The following ATL1 variants were observed in gnomAD, a reference collection of about 807,000 sequenced individuals.
The protein encoded by ATL1 is atlastin GTPase 1.
Under a neutral mutation model 75.5 loss-of-function variants are expected in ATL1, and 31 were observed. The observed-to-expected ratio is 0.41, with a 90% confidence interval of 0.31 to 0.55. ATL1 has a LOEUF of 0.55. Ranked by LOEUF, ATL1 falls within the 20% of genes least tolerant of loss-of-function variation. The probability of loss-of-function intolerance (pLI) is 0.27; values close to 1 mark genes in which losing one functional copy is unlikely to be tolerated. For missense variants in ATL1, 405 were observed against 662.6 expected (o/e 0.61, Z 4.27); for synonymous variants, 226 against 233.3 (o/e 0.97, Z 0.28).
At chr14:50,537,164 G>A (rs1451730349) in intron 1 of ATL1, among the ~76,000 whole-genome samples, 1 of 152,204 alleles carries the variant, frequency 6.6e-6, no homozygotes, top group Non-Finnish European at 1.5e-5. Context: ...GAGACTTGGT[G>A]CCCTGCTTTC....
At chr14:50,590,581 G>A (rs2039146671) in intron 2 of ATL1, among the ~76,000 whole-genome samples, 1 of 152,026 alleles carries the variant, frequency 6.6e-6, no homozygotes, top group East Asian at 1.9e-4. Flanking sequence ...CTGACCAATG[G>A]TTAGTTATTT....
chr14:50,584,527 C>A (rs952037813), intron 1 of ATL1, among the ~76,000 whole-genome samples: 4 of 151,940 alleles, frequency 2.6e-5, no homozygotes, highest in African/African-American at 7.3e-5. Flanking sequence ...CATGGTGAAA[C>A]CTTGTCTCTA....
chr14:50,560,025 A>G, upstream of ATL1: 1 of 580,120 alleles, frequency 1.7e-6, no homozygotes, highest in South Asian at 2.0e-5. Flanking sequence ...GGACTGAGGT[A>G]GGGAGGGTGT....
At chr14:50,577,050 T>C (rs924103131) in intron 1 of ATL1, among the ~76,000 whole-genome samples, 1 of 152,124 alleles carries the variant, frequency 6.6e-6, no homozygotes, top group Non-Finnish European at 1.5e-5. Flanking sequence ...AAACTTCTGT[T>C]ATAAGTTTTT....
In ATL1 at chr14:50,632,600, A is replaced by G. The variant is rs974896776; in HGVS notation, c.*261A>G. ...GTTATAAAGTATTTGTCTATTTATG[A>G]TAACAGTACACGTGTTCTGCTTGAA... is the stretch of plus-strand genomic sequence containing the variant. On this transcript the variant is annotated 3_prime_UTR_variant, in exon 14 of 14. Transcript: ENST00000358385. 5 of 353,748 alleles carry G rather than the reference A, an allele frequency of 1.4e-5. No individual in the cohort carries two copies. The highest frequency in any genetic ancestry group is 1.3e-4 in the East Asian group (2 of 15,426). The allele number at this position is 353,748 out of a possible 1,614,324, so 21.9% of individuals were successfully genotyped here.
intron 1 of ATL1, among the ~76,000 whole-genome samples, chr14:50,541,051 C>T (rs1309110708): frequency 6.6e-6 from 1 of 152,190 alleles, no homozygotes; most frequent in African/African-American, 2.4e-5. Flanking sequence ...TAGAGCAAAT[C>T]AGAACAGCTC....
intron 11 of ATL1, among the ~76,000 whole-genome samples, chr14:50,623,999 G>A (rs1162976847): frequency 1.3e-5 from 2 of 152,178 alleles, no homozygotes; most frequent in African/African-American, 2.4e-5. Flanking sequence ...AGGTTGCAGT[G>A]AGCTGAGATT....
intron 1 of ATL1, 85 bp from the exon 2 acceptor site, chr14:50,587,746 C>T (rs772392184): frequency 4.5e-6 from 7 of 1,557,630 alleles, no homozygotes; most frequent in East Asian, 2.2e-5. Context: ...GCTCCTGTGT[C>T]GGATGTTTGA....
intron 1 of ATL1, 82 bp downstream of exon 1, chr14:50,560,381 C>T (rs1010313327): frequency 1.3e-6 from 2 of 1,538,898 alleles, no homozygotes; most frequent in African/African-American, 2.7e-5. Flanking sequence ...ACAGGGAGGG[C>T]CAAGGGCTGC....
chr14:50,622,032 T>G, intron 10 of ATL1, 133 bp downstream of exon 10: 1 of 733,314 alleles, frequency 1.4e-6, no homozygotes, highest in Non-Finnish European at 2.4e-6. Flanking sequence ...ACTTTACCTA[T>G]TTATGTGTTC....
At position 50,551,710 on chromosome 14, in the gene ATL1, A is replaced by T. The variant is rs565267346; in HGVS notation, c.-139-8417A>T. On this transcript the variant is annotated intron_variant, in intron 1 of 13. Transcript: ENST00000441560. ...TGGATTTCATACCAGGGATTCAGGG[A>T]TGGTTTAACATATGCAAATCAATAA... is the stretch of plus-strand genomic sequence containing the variant. Among the ~76,000 whole-genome samples, 7 of 152,336 alleles carry T rather than the reference A, an allele frequency of 4.6e-5. No individual in the cohort carries two copies. In the South Asian group the frequency reaches 1.4e-3, roughly 32 times the overall value.
chr14:50,586,016 A>G (rs2039098251), intron 1 of ATL1, among the ~76,000 whole-genome samples: 1 of 152,190 alleles, frequency 6.6e-6, no homozygotes, highest in Non-Finnish European at 1.5e-5. Context: ...TATTTTATAG[A>G]TGAACAGCAA....
At chr14:50,609,573 T>C (rs1322952759) in intron 6 of ATL1, among the ~76,000 whole-genome samples, 2 of 151,906 alleles carry the variant, frequency 1.3e-5, no homozygotes, top group African/African-American at 2.4e-5. Flanking sequence ...CAAGGAGATA[T>C]GGATATAATA....
At chr14:50,597,220 C>CAAAAAAAAAAAAAAAAAAAAAAAAAAA (rs372066395) in intron 6 of ATL1, among the ~76,000 whole-genome samples, 8 of 108,268 alleles carry the variant, frequency 7.4e-5, no homozygotes, top group African/African-American at 1.2e-4. Context: ...AAAAAACAAA[C>CAAAAAAAAAAAAAAAAAAAAAAAAAAA]AAAAAAAAAA....
intron 6 of ATL1, among the ~76,000 whole-genome samples, chr14:50,602,879 G>C (rs2039283974): frequency 6.6e-6 from 1 of 152,086 alleles, no homozygotes; most frequent in African/African-American, 2.4e-5. Context: ...TCATTTCTGA[G>C]CCATGCCACA....
At chr14:50,560,577 T>TA (rs1485463546) in intron 1 of ATL1, 1 of 501,678 alleles carries the variant, frequency 2.0e-6, no homozygotes, top group Non-Finnish European at 3.6e-6. Context: ...TCCCAGCATT[T>TA]GGACAGCACC....
At chr14:50,577,790 A>G (rs1408354121) in intron 1 of ATL1, among the ~76,000 whole-genome samples, 3 of 152,136 alleles carry the variant, frequency 2.0e-5, no homozygotes, top group African/African-American at 4.8e-5. Flanking sequence ...GCTTCTTAAC[A>G]TAGTGTTTTC....
rs560172440 is a variant in ATL1 at position 50,546,025 on chromosome 14, C to T, written c.-140+12658C>T. ...AAACTACTGGTGTTGAAATCAAACT[C>T]ACTGTTTATGGTACTGCTAATTCAA... On this transcript the variant is annotated intron_variant, in intron 1 of 13. Coordinates refer to the ATL1 transcript ENST00000441560. 3.9e-5 allele frequency among the ~76,000 whole-genome samples: 6 copies of T among 152,262 alleles called. No homozygotes were observed. In the East Asian group the frequency reaches 1.2e-3, roughly 29 times the overall value.
intron 1 of ATL1, among the ~76,000 whole-genome samples, chr14:50,537,065 G>C (rs910354638): frequency 1.3e-5 from 2 of 152,204 alleles, no homozygotes; most frequent in Admixed American, 1.3e-4. Context: ...GGTCTTCATG[G>C]CAGACCTTCC....
Sources: gnomAD v4.1 joint callset for allele counts (sites outside exome capture counted in the v4.1 genomes callset) on GRCh38, gnomAD v4.1.1 for gene constraint, MANE v1.5 for transcripts, NCBI Gene and HGNC (gene_info 2026-07-23, HGNC 2026-07-21) for gene names.